EFR3A: variants seen among roughly 807,000 people sequenced by gnomAD.
The protein encoded by EFR3A is protein EFR3 homolog A.
A neutral mutation model predicts 104.4 loss-of-function variants in EFR3A; 76 were observed. That is an observed-to-expected ratio of 0.73 (90% CI 0.60 to 0.88). The LOEUF (loss-of-function observed/expected upper bound fraction) is 0.88, where lower values mean the gene tolerates loss of function less well. Among genes scored for constraint, EFR3A ranks in the 40% least tolerant of loss-of-function variants. The pLI, the probability that EFR3A is intolerant of heterozygous loss-of-function variation, is 0.00. For missense variants in EFR3A, 985 were observed against 1,012.5 expected (o/e 0.97, Z 0.37); for synonymous variants, 330 against 330.0 (o/e 1.00, Z 0.00).
At chr8:132,001,629 C>A in intron 19 of EFR3A, 130 bp from the exon 20 acceptor site, 1 of 716,522 alleles carries the variant, frequency 1.4e-6, no homozygotes, top group Non-Finnish European at 2.4e-6. Context: ...ATAATCACAG[C>A]TCACAGCTCA....
chr8:131,922,072 T>A (rs1817060311), intron 1 of EFR3A, among the ~76,000 whole-genome samples: 1 of 152,184 alleles, frequency 6.6e-6, no homozygotes, highest in African/African-American at 2.4e-5. Context: ...CTTCTTTGCC[T>A]CTTTTAGCTT....
At chr8:131,991,025 A>C (rs1373294200) in intron 18 of EFR3A, among the ~76,000 whole-genome samples, 1 of 152,160 alleles carries the variant, frequency 6.6e-6, no homozygotes, top group Non-Finnish European at 1.5e-5. Context: ...ATAGAGACAT[A>C]CCAGAGACTG....
chr8:131,966,588 A>G (rs1276554761), intron 8 of EFR3A, among the ~76,000 whole-genome samples: 1 of 152,184 alleles, frequency 6.6e-6, no homozygotes, highest in Non-Finnish European at 1.5e-5. Flanking sequence ...CCTATGAGTA[A>G]TTGTTATTGT....
chr8:131,986,194 GT>G lies in EFR3A; in HGVS notation c.1872del (p.Ile625LeufsTer27). On this transcript the variant is annotated frameshift_variant and splice_region_variant, in exon 17 of 23. Coordinates refer to ENST00000254624, the MANE Select transcript of EFR3A (RefSeq NM_015137.6). LOFTEE classifies it high-confidence loss of function. ...TGTTCTGTTTTTGAATATTTTTTAG[GT>G]TATTGAAATTCGAACTATGGAAGCC... Reference protein sequence around the residue: ...VPAFCQHVSKVIEIRTMEAPY... With the variant: ...VPAFCQHVSKXIEIRTMEAPY... 6.4e-7 allele frequency: 1 copy of G among 1,564,842 alleles called. No homozygotes were observed. Among genetic ancestry groups the G allele is most frequent in the Non-Finnish European group, 8.8e-7 (1 of 1,139,396 alleles).
intron 17 of EFR3A, 58 bp from the exon 18 acceptor site, chr8:131,987,517 A>G: frequency 6.6e-7 from 1 of 1,518,636 alleles, no homozygotes; most frequent in South Asian, 1.3e-5. Context: ...TTGCATAGTA[A>G]CTTATTTTTG....
At chr8:131,921,966 G>A (rs1212897991) in intron 1 of EFR3A, among the ~76,000 whole-genome samples, 1 of 152,178 alleles carries the variant, frequency 6.6e-6, no homozygotes, top group Non-Finnish European at 1.5e-5. Context: ...GGTGGCTTAA[G>A]ACAACAGAAT....
intron 18 of EFR3A, among the ~76,000 whole-genome samples, chr8:131,993,245 G>T (rs979563347): frequency 1.3e-5 from 2 of 152,184 alleles, no homozygotes; most frequent in Non-Finnish European, 2.9e-5. Context: ...GTTTGAAACA[G>T]TAAAGATTTA....
At chr8:131,913,236 G>T (rs1386857960) in intron 1 of EFR3A, among the ~76,000 whole-genome samples, 1 of 148,938 alleles carries the variant, frequency 6.7e-6, no homozygotes, top group African/African-American at 2.5e-5. Flanking sequence ...TGATTAATAT[G>T]TCAGACATGT....
intron 22 of EFR3A, among the ~76,000 whole-genome samples, chr8:132,006,435 T>G (rs1267565468): frequency 6.6e-6 from 1 of 151,892 alleles, no homozygotes; most frequent in African/African-American, 2.4e-5. Context: ...TTCAACACTT[T>G]AGATGAAATG....
At chr8:131,976,993 AAT>A in intron 11 of EFR3A, 46 bp from the exon 12 acceptor site, 7 of 1,260,060 alleles carry the variant, frequency 5.6e-6, no homozygotes, top group Non-Finnish European at 7.8e-6. Flanking sequence ...TAAATGAAGT[AAT>A]ATAAATGCTA....
At chr8:132,007,609 T>C (rs149429231) in intron 22 of EFR3A, among the ~76,000 whole-genome samples, 2,790 of 152,068 alleles carry the variant, frequency 0.018, 44 homozygotes, top group Admixed American at 0.052. Flanking sequence ...TAAAAACGTA[T>C]AAATTGATTT....
intron 7 of EFR3A, among the ~76,000 whole-genome samples, chr8:131,956,449 A>C (rs1337676435): frequency 6.6e-6 from 1 of 152,182 alleles, no homozygotes; most frequent in African/African-American, 2.4e-5. Flanking sequence ...GTTTCTCCAC[A>C]TAGATATGGT....
At chr8:131,941,873 A>C (rs762050108) in intron 2 of EFR3A, among the ~76,000 whole-genome samples, 3 of 152,132 alleles carry the variant, frequency 2.0e-5, no homozygotes, top group Non-Finnish European at 2.9e-5. Context: ...TGAAGCCTAG[A>C]GCAAGTTATC....
chr8:131,984,826 T>C, intron 15 of EFR3A, 103 bp from the exon 16 acceptor site: 1 of 1,099,934 alleles, frequency 9.1e-7, no homozygotes. Flanking sequence ...AGTGGCATTT[T>C]TGTTAGCTTT....
At chr8:131,919,363 C>G (rs1452934412) in intron 1 of EFR3A, among the ~76,000 whole-genome samples, 1 of 151,902 alleles carries the variant, frequency 6.6e-6, no homozygotes, top group African/African-American at 2.4e-5. Context: ...TTTGGGCGGT[C>G]GAGGCGGGTG....
intron 2 of EFR3A, 43 bp downstream of exon 2, chr8:131,940,618 A>C (rs1818121848): frequency 1.9e-6 from 3 of 1,574,512 alleles, no homozygotes; most frequent in Non-Finnish European, 1.7e-6. Flanking sequence ...TTGCTGACCC[A>C]TTCTGCCCCC....
At chr8:131,908,935 C>T (rs900794052) in intron 1 of EFR3A, among the ~76,000 whole-genome samples, 11 of 152,178 alleles carry the variant, frequency 7.2e-5, no homozygotes, top group African/African-American at 2.7e-4. Context: ...ACAATCAGGT[C>T]AGGGTATTTA....
intron 20 of EFR3A, among the ~76,000 whole-genome samples, chr8:132,002,151 C>T (rs1821814857): frequency 6.6e-6 from 1 of 152,180 alleles, no homozygotes; most frequent in Non-Finnish European, 1.5e-5. Flanking sequence ...AAGGCTACAA[C>T]AACATGGTTC....
intron 22 of EFR3A, among the ~76,000 whole-genome samples, chr8:132,010,315 G>A (rs1822264948): frequency 6.7e-6 from 1 of 148,782 alleles, no homozygotes; most frequent in Admixed American, 6.8e-5. Flanking sequence ...ATAAAATTAT[G>A]TATGTATAAG....
Sources: gnomAD v4.1 joint callset for allele counts (sites outside exome capture counted in the v4.1 genomes callset) on GRCh38, gnomAD v4.1.1 for gene constraint, MANE v1.5 for transcripts, NCBI Gene and HGNC (gene_info 2026-07-23, HGNC 2026-07-21) for gene names.